PDE1C: variants seen among roughly 807,000 people sequenced by gnomAD.
PDE1C encodes dual specificity calcium/calmodulin-dependent 3',5'-cyclic nucleotide phosphodiesterase 1C.
Under a neutral mutation model 93.1 loss-of-function variants are expected in PDE1C, and 62 were observed. The ratio of observed to expected loss-of-function variants is 0.67; its 90% confidence interval spans 0.54 to 0.82. The LOEUF (loss-of-function observed/expected upper bound fraction) is 0.82. Among genes scored for constraint, PDE1C ranks in the 40% least tolerant of loss-of-function variants. The pLI, the probability that PDE1C is intolerant of heterozygous loss-of-function variation, is 0.00. For synonymous variants in PDE1C, 325 were observed against 310.1 expected, an observed-to-expected ratio of 1.05 and a Z score of -0.50; for missense variants, 742 against 884.6, an observed-to-expected ratio of 0.84 and a Z score of 2.04.
upstream of PDE1C, among the ~76,000 whole-genome samples, chr7:32,301,516 T>C (rs189031698): frequency 1.2e-3 from 186 of 152,328 alleles, 3 homozygotes; most frequent in African/African-American, 4.4e-3. Flanking sequence ...TTTAAACTGC[T>C]TCTCCCCAGA....
At chr7:32,285,616 T>C (rs1811945320) in intron 1 of PDE1C, among the ~76,000 whole-genome samples, 1 of 151,394 alleles carries the variant, frequency 6.6e-6, no homozygotes, top group Non-Finnish European at 1.5e-5. Context: ...TTTTATGATA[T>C]GTAGATTACA....
chr7:32,070,491 C>A, upstream of PDE1C: 3 of 1,560,058 alleles, frequency 1.9e-6, no homozygotes, highest in South Asian at 1.2e-5. Context: ...CCAGGCGCGG[C>A]GCGCGTTTGC....
chr7:31,663,371 C>T, the PDE1C span, among the ~76,000 whole-genome samples: 1 of 152,178 alleles, frequency 6.6e-6, no homozygotes, highest in Non-Finnish European at 1.5e-5. Flanking sequence ...AGGAGTAGGA[C>T]TGTGATAGGC....
chr7:32,061,580 G>C (rs570627988), intron 1 of PDE1C, among the ~76,000 whole-genome samples: 29 of 152,248 alleles, frequency 1.9e-4, no homozygotes, highest in African/African-American at 1.4e-4. Context: ...CAGGCTTCAG[G>C]TCTCAGCCCC....
At chr7:31,694,387 AACACACACACAC>A in the PDE1C span, among the ~76,000 whole-genome samples, 2 of 141,600 alleles carry the variant, frequency 1.4e-5, no homozygotes, top group Non-Finnish European at 3.1e-5. Flanking sequence ...CTCTCTCTCA[AACACACACACAC>A]ACACACACAC....
At chr7:31,846,227 T>C (rs1313322535) in intron 9 of PDE1C, among the ~76,000 whole-genome samples, 4 of 149,036 alleles carry the variant, frequency 2.7e-5, no homozygotes, top group African/African-American at 1.0e-4. Flanking sequence ...ACTTTTCTTT[T>C]TTTTTCTTTT....
At chr7:32,147,312 GAA>G (rs762750151) in intron 3 of PDE1C, among the ~76,000 whole-genome samples, 1 of 145,442 alleles carries the variant, frequency 6.9e-6, no homozygotes, top group African/African-American at 2.8e-5. Flanking sequence ...AAGAAAGAAA[GAA>G]AGAAAGAAAG....
intron 1 of PDE1C, among the ~76,000 whole-genome samples, chr7:32,354,156 A>G (rs1315414677): frequency 2.0e-5 from 3 of 152,194 alleles, no homozygotes; most frequent in Non-Finnish European, 2.9e-5. Context: ...TTAACTGCCA[A>G]ATTATTTCAG....
intron 16 of PDE1C, among the ~76,000 whole-genome samples, chr7:31,778,161 G>A (rs183964604): frequency 2.6e-3 from 403 of 152,306 alleles, no homozygotes; most frequent in Non-Finnish European, 3.8e-3. Context: ...TTTACGCAAA[G>A]TGATACTCTG....
chr7:32,131,354 T>C (rs1343041386), intron 3 of PDE1C, among the ~76,000 whole-genome samples: 1 of 152,192 alleles, frequency 6.6e-6, no homozygotes, highest in Non-Finnish European at 1.5e-5. Flanking sequence ...ATCACTTCTA[T>C]ATCTCCAGGA....
At chr7:31,948,893 G>T (rs562589653) in intron 2 of PDE1C, among the ~76,000 whole-genome samples, 5 of 152,298 alleles carry the variant, frequency 3.3e-5, no homozygotes, top group Admixed American at 2.0e-4. Flanking sequence ...TGAACTAAAA[G>T]TTGTGCAGTT....
chr7:31,775,758 G>A, intron 16 of PDE1C, 26 bp from the exon 17 acceptor site: 1 of 1,596,232 alleles, frequency 6.3e-7, no homozygotes, highest in South Asian at 1.1e-5. Context: ...AGAGGATAAG[G>A]AAAAGTAGGA....
At chr7:31,627,060 T>G in the PDE1C span, among the ~76,000 whole-genome samples, 3 of 152,236 alleles carry the variant, frequency 2.0e-5, no homozygotes, top group South Asian at 6.2e-4. Context: ...CTTATTACTA[T>G]GAAATACAAT....
chr7:31,795,167 C>T (rs1190865333), intron 16 of PDE1C, among the ~76,000 whole-genome samples: 1 of 151,740 alleles, frequency 6.6e-6, no homozygotes, highest in East Asian at 1.9e-4. Context: ...AGCATGTGAG[C>T]GTCTAGAAAA....
chr7:31,814,068 G>A (rs114796593), intron 15 of PDE1C, among the ~76,000 whole-genome samples: 32 of 147,004 alleles, frequency 2.2e-4, no homozygotes, highest in Non-Finnish European at 4.4e-4. Context: ...ACACGCACGC[G>A]TGCATATATA....
chr7:31,992,174 A>C (rs530319134), intron 2 of PDE1C, among the ~76,000 whole-genome samples: 268 of 152,352 alleles, frequency 1.8e-3, no homozygotes, highest in African/African-American at 6.2e-3. Context: ...CTGTGGTTTC[A>C]CAAGGATATC....
At chr7:32,186,130 C>G (rs924885153) in intron 2 of PDE1C, among the ~76,000 whole-genome samples, 1 of 138,464 alleles carries the variant, frequency 7.2e-6, no homozygotes, top group African/African-American at 2.7e-5. Context: ...GAGTCTCGCT[C>G]TGTCGCCCAG....
chr7:31,717,238 T>C, the PDE1C span, among the ~76,000 whole-genome samples: 5 of 152,392 alleles, frequency 3.3e-5, no homozygotes, highest in African/African-American at 9.6e-5. Flanking sequence ...TTTTACTATT[T>C]TGAATTTCTT....
At chr7:32,301,638 C>T (rs1812883371), upstream of PDE1C, among the ~76,000 whole-genome samples, 1 of 152,176 alleles carries the variant, frequency 6.6e-6, no homozygotes, top group Non-Finnish European at 1.5e-5. Flanking sequence ...GATTCTCACA[C>T]CAAACCAAGT....
Sources: allele counts gnomAD v4.1 joint callset (sites outside exome capture counted in the v4.1 genomes callset), GRCh38; gene constraint gnomAD v4.1.1; transcripts MANE v1.5; gene names NCBI Gene and HGNC (gene_info 2026-07-23, HGNC 2026-07-21).